PTPRG: variants seen among roughly 807,000 people sequenced by gnomAD.
PTPRG encodes protein tyrosine phosphatase receptor type G.
PTPRG carries 102 observed loss-of-function variants against 165.3 expected under a neutral mutation model. That is an observed-to-expected ratio of 0.62 (90% CI 0.53 to 0.73). The LOEUF (loss-of-function observed/expected upper bound fraction) is 0.73, where lower values mean the gene tolerates loss of function less well. Ranked by LOEUF, PTPRG falls within the 30% of genes least tolerant of loss-of-function variation. The pLI is 0.00. For missense variants in PTPRG, 1,866 were observed against 1,861.4 expected (o/e 1.00, Z -0.05); for synonymous variants, 675 against 669.5 (o/e 1.01, Z -0.13).
At chr3:62,191,803 C>G (rs1163348691) in intron 9 of PTPRG, 150 bp downstream of exon 9, 2 of 873,062 alleles carry the variant, frequency 2.3e-6, no homozygotes, top group Non-Finnish European at 3.5e-6. Flanking sequence ...CTGCGCTGCT[C>G]GAGAGTGCCG....
At chr3:62,054,050 T>G (rs1168212485) in intron 4 of PTPRG, among the ~76,000 whole-genome samples, 34 of 152,218 alleles carry the variant, frequency 2.2e-4, no homozygotes, top group Admixed American at 2.2e-3. Flanking sequence ...CTAGTGGACC[T>G]TCTCGGTCTT....
At chr3:61,781,491 A>G (rs1377102318) in intron 2 of PTPRG, among the ~76,000 whole-genome samples, 1 of 152,222 alleles carries the variant, frequency 6.6e-6, no homozygotes, top group Non-Finnish European at 1.5e-5. Context: ...GATACATATC[A>G]TCACTTCCTA....
intron 1 of PTPRG, among the ~76,000 whole-genome samples, chr3:61,603,844 C>T (rs565655850): frequency 1.3e-5 from 2 of 152,278 alleles, no homozygotes; most frequent in East Asian, 3.9e-4. Context: ...GCTCATCCTA[C>T]CATCAGTGTC....
At chr3:62,216,043 C>G (rs568700987) in intron 12 of PTPRG, among the ~76,000 whole-genome samples, 1 of 152,112 alleles carries the variant, frequency 6.6e-6, no homozygotes, top group East Asian at 1.9e-4. Context: ...CATGGTGAAA[C>G]CTCGTCTCTA....
At chr3:61,742,879 G>A in intron 1 of PTPRG, 2 of 1,542,244 alleles carry the variant, frequency 1.3e-6, no homozygotes, top group Non-Finnish European at 1.8e-6. Flanking sequence ...CACGGCCTTA[G>A]CCTCGTCACA....
At position 62,273,805 on chromosome 3, in the gene PTPRG, A is replaced by T. The variant is rs199720172; in HGVS notation, c.3426A>T (p.Pro1142=). 6.2e-7 allele frequency: 1 copy of T among 1,613,704 alleles called. No individual in the cohort carries two copies. The highest frequency in any genetic ancestry group is 8.5e-7 in the Non-Finnish European group (1 of 1,179,784). The change falls in exon 23 of 30, where the codon CCA becomes CCT. Residue 1142 remains proline (P), a synonymous_variant. Transcript: ENST00000474889. The surrounding 1 kb of genome is among the most constrained non-coding windows in gnomAD (Gnocchi z 4.1). ...LHSYVNSILI[P]GVGGKTRLEK... The stretch of plus-strand genomic sequence containing the variant: ...GCTATGTTAACAGCATCCTTATACC[A>T]GGAGTAGGAGGAAAGACACGACTGG...
chr3:61,994,770 TC>T (rs1286059065), intron 3 of PTPRG, among the ~76,000 whole-genome samples: 2 of 152,310 alleles, frequency 1.3e-5, no homozygotes, highest in South Asian at 2.1e-4. Flanking sequence ...CTTGGTCACT[TC>T]CACATGCTAT....
chr3:61,579,946 G>A (rs1700248947), intron 1 of PTPRG, among the ~76,000 whole-genome samples: 1 of 152,152 alleles, frequency 6.6e-6, no homozygotes, highest in Non-Finnish European at 1.5e-5. Flanking sequence ...AAATGTCTTA[G>A]AAGATTTTTT....
At position 62,124,235 on chromosome 3, in the gene PTPRG, A is replaced by C. The variant is rs1369196207; in HGVS notation, c.616-8367A>C. ...ACACAGTGCTTTCCTGTCATTTGAC[A>C]TTAACTCCGAAGGGAATTCAGAAGC... On this transcript the variant is annotated intron_variant, in intron 5 of 29. Transcript: ENST00000474889. 4.2e-6 allele frequency: 5 copies of C among 1,198,622 alleles called. No homozygotes were observed. In the East Asian group the frequency reaches 1.2e-4, roughly 28 times the overall value. The allele number at this position is 1,198,622 out of a possible 1,614,324, so 74.2% of individuals were successfully genotyped here.
chr3:61,832,433 T>C (rs935148742), intron 2 of PTPRG, among the ~76,000 whole-genome samples: 2 of 151,978 alleles, frequency 1.3e-5, no homozygotes, highest in Admixed American at 6.6e-5. Flanking sequence ...GCATAGAGAG[T>C]GGGTAAGCAT....
intron 1 of PTPRG, among the ~76,000 whole-genome samples, chr3:61,728,873 C>T (rs1343931288): frequency 9.7e-6 from 1 of 102,686 alleles, no homozygotes; most frequent in Non-Finnish European, 1.9e-5. Flanking sequence ...CTAATCTGTA[C>T]CAAAAAAAAA....
intron 2 of PTPRG, among the ~76,000 whole-genome samples, chr3:61,753,835 A>T (rs914906912): frequency 6.6e-6 from 1 of 152,108 alleles, no homozygotes; most frequent in African/African-American, 2.4e-5. Context: ...ACCTCAGGTG[A>T]TCGGCCTGTC....
At chr3:61,916,452 A>T (rs2038938025) in intron 2 of PTPRG, among the ~76,000 whole-genome samples, 1 of 152,194 alleles carries the variant, frequency 6.6e-6, no homozygotes, top group Admixed American at 6.5e-5. Flanking sequence ...TATGTTTTAA[A>T]ATAAATGATT....
At position 62,210,852 on chromosome 3, in the gene PTPRG, A is replaced by AAAT. The variant is rs1478544551; in HGVS notation, c.2155+6904_2155+6906dup. 6.6e-6 allele frequency among the ~76,000 whole-genome samples: 1 copy of AAAT among 152,200 alleles called. No individual in the cohort carries two copies. Among genetic ancestry groups the AAAT allele is most frequent in the African/African-American group, 2.4e-5 (1 of 41,432 alleles). ...ATAGCATATAATACAAATAATATAC[A>AAAT]AATATGTGTTAACTATTTATGTTAT... On this transcript the variant is annotated intron_variant, in intron 12 of 29. Coordinates refer to ENST00000474889, the MANE Select transcript of PTPRG (RefSeq NM_002841.4). The surrounding 1 kb of genome is among the most constrained non-coding windows in gnomAD (Gnocchi z 4.1).
At chr3:61,691,864 A>G (rs1023559311) in intron 1 of PTPRG, among the ~76,000 whole-genome samples, 1 of 75,512 alleles carries the variant, frequency 1.3e-5, no homozygotes, top group African/African-American at 5.2e-5. Flanking sequence ...ATCATGTTAA[A>G]TAAAGAGGAC....
Position 61,571,326 on chromosome 3 carries a change from T to G in PTPRG, c.85+8954T>G, listed in dbSNP as rs569740319. 1.7e-4 allele frequency among the ~76,000 whole-genome samples: 26 copies of G among 152,322 alleles called. No individual in the cohort carries two copies. In the South Asian group the frequency reaches 5.4e-3, roughly 32 times the overall value. ...TCATTGCTCAGGATTTTTTTTAAAT[T>G]TTATTTCAGACCATTTGCTTTTTGA... On this transcript the variant is annotated intron_variant, in intron 1 of 29. Transcript: ENST00000474889.
chr3:62,163,964 G>T (rs1704867615), intron 7 of PTPRG, among the ~76,000 whole-genome samples: 1 of 152,204 alleles, frequency 6.6e-6, no homozygotes, highest in South Asian at 2.1e-4. Flanking sequence ...GATCATAAGG[G>T]CCCCACCATT....
At chr3:61,736,221 T>A (rs941151895) in intron 1 of PTPRG, among the ~76,000 whole-genome samples, 7 of 151,870 alleles carry the variant, frequency 4.6e-5, no homozygotes, top group African/African-American at 1.7e-4. Context: ...TTTTTTTTTT[T>A]TAATTTTTTA....
chr3:61,631,705 T>C (rs779818041), intron 1 of PTPRG, among the ~76,000 whole-genome samples: 10 of 152,234 alleles, frequency 6.6e-5, no homozygotes, highest in Non-Finnish European at 1.3e-4. Flanking sequence ...GTAGTTTAAA[T>C]ACTATAAAAG....
Sources: allele counts gnomAD v4.1 joint callset (sites outside exome capture counted in the v4.1 genomes callset), GRCh38; gene constraint gnomAD v4.1.1; non-coding constraint Gnocchi (gnomAD v3.1); transcripts MANE v1.5; gene names NCBI Gene and HGNC (gene_info 2026-07-23, HGNC 2026-07-21).